Variants in CSPG4 observed in about 807,000 individuals in gnomAD.
CSPG4 encodes chondroitin sulfate proteoglycan 4, also known as chondroitin sulfate proteoglycan 4 (melanoma-associated).
In CSPG4, 74 loss-of-function variants were observed where a neutral mutation model predicts 139.3. The ratio of observed to expected loss-of-function variants is 0.53; its 90% CI spans 0.44 to 0.64. The LOEUF (loss-of-function observed/expected upper bound fraction) is 0.64, where lower values mean the gene tolerates loss of function less well. Among genes scored for constraint, CSPG4 ranks in the 30% least tolerant of loss-of-function variants. The pLI is 0.00. For synonymous variants in CSPG4, 1,234 were observed against 1,394.2 expected (o/e 0.89, Z 2.56); for missense variants, 2,565 against 3,148.3 (o/e 0.81, Z 4.43).
rs778413411 is a variant in CSPG4 at position 75,687,738 on chromosome 15, G to A, written c.3327C>T (p.Asp1109=). 4.5e-5 allele frequency: 73 copies of A among 1,612,836 alleles called. No individual in the cohort carries two copies. The highest frequency in any genetic ancestry group is 5.6e-5 in the Non-Finnish European group (66 of 1,180,014). Residue 1109 remains aspartate, a synonymous_variant, in exon 3 of 10, where the codon GAC becomes GAT. Transcript: ENST00000308508. This position sits in a 1 kb window ranked among gnomAD's most constrained non-coding sequence, Gnocchi z 5.4. ...GCAGCGCAGTGGCCTGGTGTTGCCC[G>A]TCGGACACCTGCAGCTGGATCCAGC... is the stretch of plus-strand genomic sequence containing the variant. ...DRGWIQLQVS[D]GQHQATALLE...
In CSPG4 at chr15:75,688,026, G is replaced by T; in HGVS notation, c.3039C>A (p.Pro1013=). The change falls in exon 3 of 10, where the codon CCC becomes CCA. Residue 1013 remains proline (P), a synonymous_variant. Coordinates refer to ENST00000308508, the MANE Select transcript of CSPG4 (RefSeq NM_001897.5). The part of the protein sequence containing the change: ...VRGVFRVAIQ[P]VNDHAPVQTI... ...TCTGCACAGGGGCGTGGTCATTCAC[G>T]GGCTGGATGGCCACTCGGAAGACAC... 6.2e-7 allele frequency: 1 copy of T among 1,611,912 alleles called. No individual in the cohort carries two copies. Among genetic ancestry groups the T allele is most frequent in the South Asian group, 1.1e-5 (1 of 90,990 alleles).
Position 75,677,348 on chromosome 15 carries a change from G to T in CSPG4, c.5171C>A (p.Thr1724Asn). 7.1e-7 allele frequency: 1 copy of T among 1,407,848 alleles called. No homozygotes were observed. The highest frequency in any genetic ancestry group is 9.3e-7 in the Non-Finnish European group (1 of 1,077,722). 87.2% of individuals were successfully genotyped at this position (1,407,848 alleles called of 1,614,324 possible). The change falls in exon 10 of 10, where the codon ACC becomes AAC. Residue 1724 changes from threonine to asparagine, a missense_variant. Around this residue, in one of 5 missense-constraint regions of CSPG4, gnomAD observed 2,316 missense variants for 2,818.2 expected, o/e 0.82. Coordinates refer to ENST00000308508, the MANE Select transcript of CSPG4 (RefSeq NM_001897.5). Reference sequence around the variant, plus strand: ...ATTGGAGGCATCCAGAGCAGCCACGGTGATCCTGGCCCGCTGGCCCTCGGG... The same window carrying T: ...ATTGGAGGCATCCAGAGCAGCCACGTTGATCCTGGCCCGCTGGCCCTCGGG... The part of the protein sequence containing the change: ...WVPEGQRARI[T>N]VAALDASNLL...
chr15:75,677,287 C>A lies in CSPG4; in HGVS notation c.5232G>T (p.Glu1744Asp). Residue 1744 changes from glutamate to aspartate, a missense_variant, in exon 10 of 10, where the codon GAG becomes GAT. Physicochemically the swap from Glu to Asp is conservative, Grantham distance 45. This residue lies in a region of CSPG4 where 2,316 missense variants were observed against 2,818.2 expected (regional missense o/e 0.82). Coordinates refer to ENST00000308508, the MANE Select transcript of CSPG4 (RefSeq NM_001897.5). ...LASVPSPQRS[E>D]HDVLFQVTQF... is the part of the protein sequence containing the mutation. ...GTGTGACCTGGAAGAGCACATCATG[C>A]TCTGAGCGCTGGGGTGATGGAACGC... The A allele has an allele frequency of 2.0e-6, 3 of 1,480,340 alleles. No individual in the cohort carries two copies. The highest frequency in any genetic ancestry group is 2.8e-5 in the South Asian group (2 of 70,900). The allele number at this position is 1,480,340 out of a possible 1,614,324, so 91.7% of individuals were successfully genotyped here.
Position 75,677,206 on chromosome 15 carries a change from C to A in CSPG4, c.5313G>T (p.Gln1771His). 1 of 1,454,990 alleles carries A rather than the reference C, an allele frequency of 6.9e-7. No individual in the cohort carries two copies. The highest frequency in any genetic ancestry group is 9.1e-7 in the Non-Finnish European group (1 of 1,100,840). The allele number at this position is 1,454,990 out of a possible 1,614,324, so 90.1% of individuals were successfully genotyped here. The change falls in exon 10 of 10, where the codon CAG becomes CAT. Residue 1771 changes from glutamine (Q) to histidine (H), a missense_variant. By Grantham distance (24) the Gln-to-His change is conservative (BLOSUM62 0). Coordinates refer to ENST00000308508, the MANE Select transcript of CSPG4 (RefSeq NM_001897.5). The stretch of plus-strand genomic sequence containing the variant: ...CCAGCTGGGACTGCAGGAAGTGGGG[C>A]TGCCCAGCATGGAGGGGCTCCTCGG... ...LVSEEPLHAG[Q>H]PHFLQSQLAA...
At position 75,682,415 on chromosome 15, in the gene CSPG4, T is replaced by C. The variant is rs779050438; in HGVS notation, c.4828A>G (p.Ser1610Gly). ...AGGAGCTGGGGGTCAGTGCCTGCGCTGGAGCTGGCCCTGAGGGTCTGACTG... is the reference window on the plus strand; with the variant it reads ...AGGAGCTGGGGGTCAGTGCCTGCGCCGGAGCTGGCCCTGAGGGTCTGACTG... Reference protein sequence around the residue: ...LSSQTLRASSSAGTDPQLLLY... With the variant: ...LSSQTLRASSGAGTDPQLLLY... The change falls in exon 8 of 10, where the codon AGC becomes GGC. Residue 1610 changes from serine (S) to glycine (G), a missense_variant. Ser to Gly is a moderately conservative substitution (Grantham distance 56). This residue lies in a region of CSPG4 where 2,316 missense variants were observed against 2,818.2 expected (regional missense o/e 0.82). Coordinates refer to ENST00000308508, the MANE Select transcript of CSPG4 (RefSeq NM_001897.5). The C allele has an allele frequency of 1.3e-5, 21 of 1,594,192 alleles. 3 individuals are homozygous for C. The Middle Eastern group carries it at 3.9e-3, about 299-fold the overall frequency.
At chr15:75,700,976 GGCTCACACCCCCA>G (rs1468641826) in intron 1 of CSPG4, among the ~76,000 whole-genome samples, 8 of 152,174 alleles carry the variant, frequency 5.3e-5, no homozygotes, top group Admixed American at 4.6e-4. Context: ...CCTGGGTCAG[GGCTCACACCCCCA>G]GCACACACAC....
At chr15:75,703,955 C>G (rs201618032) in intron 1 of CSPG4, among the ~76,000 whole-genome samples, 18 of 47,018 alleles carry the variant, frequency 3.8e-4, no homozygotes, top group African/African-American at 4.8e-4. Flanking sequence ...TTTGGCAGGG[C>G]GGGGCTGGGG....
In CSPG4 at chr15:75,677,300, G is replaced by A; in HGVS notation, c.5219C>T (p.Pro1740Leu). Residue 1740 changes from proline to leucine, a missense_variant, in exon 10 of 10, where the codon CCC (proline) becomes CTC (leucine). Pro to Leu is a moderately conservative substitution (Grantham distance 98, BLOSUM62 -3). Transcript: ENST00000308508. ...ASNLLASVPS[P>L]QRSEHDVLFQ... ...GAGCACATCATGCTCTGAGCGCTGG[G>A]GTGATGGAACGCTGGCCAAGAGATT... The A allele has an allele frequency of 4.1e-6, 6 of 1,453,022 alleles. No individual in the cohort carries two copies. The highest frequency in any genetic ancestry group is 5.5e-6 in the Non-Finnish European group (6 of 1,098,580). 90.0% of individuals were successfully genotyped at this position (1,453,022 alleles called of 1,614,324 possible).
In CSPG4 at chr15:75,689,594, G is replaced by A. The variant is rs757011081; in HGVS notation, c.1471C>T (p.Arg491Ter). The change falls in exon 3 of 10, where the codon CGA becomes TGA. Residue 491 changes from arginine (R) to a stop codon, truncating the protein, a stop_gained. Coordinates refer to ENST00000308508, the MANE Select transcript of CSPG4 (RefSeq NM_001897.5). LOFTEE classifies it high-confidence loss of function. ...LELDIPGAQA[R>*]KMFTLLDVVN... ...ACGTCCAGGAGGGTGAACATTTTTC[G>A]TGCCTGGGCTCCCGGGATGTCCAGC... The A allele has an allele frequency of 6.2e-6, 10 of 1,612,624 alleles. No homozygotes were observed. The highest frequency in any genetic ancestry group is 3.3e-5 in the South Asian group (3 of 91,072).
rs1894250871 is a variant in CSPG4 at position 75,698,097 on chromosome 15, G to T, written c.89-4864C>A. Among the ~76,000 whole-genome samples the T allele has an allele frequency of 6.6e-6, 1 of 152,136 alleles. No individual in the cohort carries two copies. On this transcript the variant is annotated intron_variant, in intron 1 of 9. Coordinates refer to ENST00000308508, the MANE Select transcript of CSPG4 (RefSeq NM_001897.5). The surrounding 1 kb of genome is among the most constrained non-coding windows in gnomAD (Gnocchi z 4.3). Reference sequence around the variant, plus strand: ...GCTGCTGTGCACAGGAGTGAGGAGGGGATGCCCAGCCAGCCTGCTGGGGAG... The same window carrying T: ...GCTGCTGTGCACAGGAGTGAGGAGGTGATGCCCAGCCAGCCTGCTGGGGAG...
Position 75,676,209 on chromosome 15 carries a change from G to A in CSPG4, c.6310C>T (p.Pro2104Ser). The change falls in exon 10 of 10, where the codon CCC becomes TCC. Residue 2104 changes from proline to serine, a missense_variant. Coordinates refer to ENST00000308508, the MANE Select transcript of CSPG4 (RefSeq NM_001897.5). ...TGCTCCACCAGCTGGCTGCCCCCGGGCTCCGTCCTGGCTCGGGGCACGCGG... is the reference window on the plus strand; with the variant it reads ...TGCTCCACCAGCTGGCTGCCCCCGGACTCCGTCCTGGCTCGGGGCACGCGG... ...VVRVPRARTE[P>S]GGSQLVEQFT... is the part of the protein sequence containing the mutation. 1 of 1,551,506 alleles carries A rather than the reference G, an allele frequency of 6.4e-7. No homozygotes were observed. Among genetic ancestry groups the A allele is most frequent in the Non-Finnish European group, 8.7e-7 (1 of 1,155,326 alleles).
Position 75,712,798 on chromosome 15 carries a change from TCCTGGGA to T in CSPG4, c.-50_-44del. ...CAGGACTTGCGAGGAGCCAGCGGAG[TCCTGGGA>T]GCTGGGAGCTGAGTGGAGCGAGCGC... is the stretch of plus-strand genomic sequence containing the variant. On this transcript the variant is annotated 5_prime_UTR_variant, in exon 1 of 10. Coordinates refer to ENST00000308508, the MANE Select transcript of CSPG4 (RefSeq NM_001897.5). 1 of 1,492,036 alleles carries T rather than the reference TCCTGGGA, an allele frequency of 6.7e-7. No individual in the cohort carries two copies. The highest frequency in any genetic ancestry group is 9.0e-7 in the Non-Finnish European group (1 of 1,112,810). The allele number at this position is 1,492,036 out of a possible 1,614,324, so 92.4% of individuals were successfully genotyped here.
At chr15:75,684,198 C>A (rs1894020247) in intron 5 of CSPG4, among the ~76,000 whole-genome samples, 1 of 152,256 alleles carries the variant, frequency 6.6e-6, no homozygotes, top group African/African-American at 2.4e-5. Context: ...ACCAGAACTA[C>A]TTTTGCAACC....
intron 3 of CSPG4, among the ~76,000 whole-genome samples, chr15:75,686,206 A>C (rs1297514990): frequency 1.3e-5 from 2 of 152,120 alleles, no homozygotes; most frequent in Admixed American, 1.3e-4. Context: ...ATGTCCCCAG[A>C]CTCAGTGACA....
chr15:75,712,641 G>T, intron 1 of CSPG4, 27 bp downstream of exon 1: 1 of 1,546,830 alleles, frequency 6.5e-7, no homozygotes, highest in Non-Finnish European at 8.7e-7. Context: ...CGCCAGGCTG[G>T]GTCGGGGTCT....
At chr15:75,700,241 C>T (rs1596012607) in intron 1 of CSPG4, among the ~76,000 whole-genome samples, 1 of 152,240 alleles carries the variant, frequency 6.6e-6, no homozygotes, top group African/African-American at 2.4e-5. Flanking sequence ...TTGCTTGCTG[C>T]CTGTGAATCG....
rs761197267 is a variant in CSPG4, at chr15:75,685,616, C to T, written c.3875G>A (p.Arg1292His). Residue 1292 changes from arginine (R) to histidine (H), a missense_variant, in exon 4 of 10, where the codon CGT (arginine) becomes CAT (histidine). Physicochemically the swap from Arg to His is conservative, Grantham distance 29. Coordinates refer to ENST00000308508, the MANE Select transcript of CSPG4 (RefSeq NM_001897.5). ...PSAGYLVMVS[R>H]GALADEPPSL... ...GGGTGGCTCATCTGCCAAGGCGCCA[C>T]GCGACACCATCACCAGGTAGCCGGC... 2.5e-5 allele frequency: 41 copies of T among 1,609,888 alleles called. 1 individual carries two copies. The highest frequency in any genetic ancestry group is 2.2e-4 in the South Asian group (20 of 90,854).
rs148041989 is a variant in CSPG4 at position 75,687,877 on chromosome 15, A to C, written c.3188T>G (p.Leu1063Arg). 4.3e-6 allele frequency: 7 copies of C among 1,612,892 alleles called. No homozygotes were observed. Among genetic ancestry groups the C allele is most frequent in the Admixed American group, 1.7e-5 (1 of 60,034 alleles). Residue 1063 changes from leucine to arginine, a missense_variant, in exon 3 of 10, where the codon CTC becomes CGC. By Grantham distance (102) the Leu-to-Arg change is moderately radical (BLOSUM62 -2). Transcript: ENST00000308508. This position sits in a 1 kb window ranked among gnomAD's most constrained non-coding sequence, Gnocchi z 5.4. ...TACGGCCACGATACTGCCAAAGAGG[A>C]GGTCCTTGCGGGTAAGCACCAGCTG... ...DAQLVLTRKD[L>R]LFGSIVAVDE...
In CSPG4 at chr15:75,690,034, G is replaced by C; in HGVS notation, c.1031C>G (p.Pro344Arg). The C allele has an allele frequency of 1.2e-6, 2 of 1,611,866 alleles. No individual in the cohort carries two copies. Among genetic ancestry groups the C allele is most frequent in the Non-Finnish European group, 1.7e-6 (2 of 1,179,564 alleles). The change falls in exon 3 of 10, where the codon CCA becomes CGA. Residue 344 changes from proline to arginine, a missense_variant. Coordinates refer to ENST00000308508, the MANE Select transcript of CSPG4 (RefSeq NM_001897.5). ...HLQEHRLGLT[P>R]EATNASLLGC... ...CAGCAGGGAGGCATTGGTGGCCTCT[G>C]GTGTCAGGCCCAGGCGGTGTTCCTG...
Sources: gnomAD v4.1 joint callset for allele counts (sites outside exome capture counted in the v4.1 genomes callset) on GRCh38, gnomAD v4.1.1 for gene constraint, gnomAD v4.1.1 regional missense constraint, Gnocchi (gnomAD v3.1) non-coding constraint, MANE v1.5 for transcripts, NCBI Gene and HGNC (gene_info 2026-07-23, HGNC 2026-07-21) for gene names.